FAAH2: variants seen among roughly 807,000 people sequenced by gnomAD.
The protein encoded by FAAH2 is fatty acid amide hydrolase 2, also known as fatty-acid amide hydrolase 2.
FAAH2 carries 60 observed loss-of-function variants against 36.9 expected under a neutral mutation model. That is an observed-to-expected ratio of 1.63 (90% confidence interval 1.32 to 2.02). The LOEUF (loss-of-function observed/expected upper bound fraction) is 2.02. Among genes scored for constraint, FAAH2 ranks in the 30% most tolerant of loss-of-function variants. FAAH2 has a pLI of 0.00. For missense variants in FAAH2, 689 were observed against 397.5 expected, an observed-to-expected ratio of 1.73 and a Z score of -6.23; for synonymous variants, 214 against 143.8, an observed-to-expected ratio of 1.49 and a Z score of -3.49.
chrX:57,175,100 G>A, the FAAH2 span, among the ~76,000 whole-genome samples: 6 of 111,594 alleles, frequency 5.4e-5, no homozygotes. Context: ...TTGTTCTAGA[G>A]TGCAGTTTAA....
intron 10 of FAAH2, among the ~76,000 whole-genome samples, chrX:57,451,483 T>A (rs2056782532): frequency 9.0e-6 from 1 of 111,692 alleles, no homozygotes; most frequent in South Asian, 3.7e-4. Flanking sequence ...GACAAACAAA[T>A]GTTAACAGAG....
chrX:57,479,273 G>T (rs1289882952), intron 10 of FAAH2, among the ~76,000 whole-genome samples: 1 of 111,666 alleles, frequency 9.0e-6, no homozygotes, highest in African/African-American at 3.3e-5. Context: ...GTTCACTCAT[G>T]ATTTGGCTCT....
chrX:57,342,818 C>T (rs960925000), intron 5 of FAAH2, among the ~76,000 whole-genome samples: 1 of 111,261 alleles, frequency 9.0e-6, no homozygotes, highest in African/African-American at 3.3e-5. Flanking sequence ...TTGTTTTCTT[C>T]TTTCTGTCCA....
At chrX:57,473,145 C>G (rs1358081675) in intron 10 of FAAH2, among the ~76,000 whole-genome samples, 1 of 111,045 alleles carries the variant, frequency 9.0e-6, no homozygotes, top group African/African-American at 3.3e-5. Context: ...AGAGCTCTCT[C>G]TCCTTTTCAT....
At chrX:57,379,245 ATCT>A (rs2054770970) in intron 6 of FAAH2, among the ~76,000 whole-genome samples, 1 of 110,869 alleles carries the variant, frequency 9.0e-6, no homozygotes, top group African/African-American at 3.3e-5. Context: ...CGAAACTCTG[ATCT>A]TCTCCTTTCC....
At chrX:57,215,349 G>C in the FAAH2 span, among the ~76,000 whole-genome samples, 1 of 111,555 alleles carries the variant, frequency 9.0e-6, no homozygotes. Context: ...AAATAGGAAT[G>C]CTTTTACACT....
intron 7 of FAAH2, 40 bp downstream of exon 7, chrX:57,381,069 C>CA: frequency 1.0e-6 from 1 of 984,797 alleles, no homozygotes; most frequent in South Asian, 2.2e-5. Context: ...TATTTTTAGT[C>CA]AAAGAGATAT....
chrX:57,192,067 T>C, the FAAH2 span, among the ~76,000 whole-genome samples: 1 of 112,159 alleles, frequency 8.9e-6, no homozygotes, highest in African/African-American at 3.2e-5. Context: ...TTGGGTAATA[T>C]GGACATTTTA....
chrX:57,441,483 CCT>C (rs1244918101), intron 8 of FAAH2, among the ~76,000 whole-genome samples: 1 of 109,466 alleles, frequency 9.1e-6, no homozygotes, highest in East Asian at 2.8e-4. Context: ...CTATTTGATT[CCT>C]CTCTCTTTTC....
chrX:57,182,412 C>T, the FAAH2 span, among the ~76,000 whole-genome samples: 1 of 111,802 alleles, frequency 8.9e-6, no homozygotes, highest in Non-Finnish European at 1.9e-5. Context: ...CATTAACAGA[C>T]ACTTTTCAAA....
chrX:57,154,522 C>G, the FAAH2 span, among the ~76,000 whole-genome samples: 1 of 110,167 alleles, frequency 9.1e-6, no homozygotes, highest in African/African-American at 3.3e-5. Context: ...ATCTGCCCAC[C>G]TTGGCCTCCC....
the FAAH2 span, among the ~76,000 whole-genome samples, chrX:57,274,334 A>C: frequency 1.8e-5 from 2 of 112,177 alleles, no homozygotes; most frequent in Non-Finnish European, 3.8e-5. Context: ...AGAGGAACAA[A>C]GAGGAGCTGC....
rs1238774900 is a variant in FAAH2, at chrX:57,395,501, G to T, written c.996+14472G>T. On this transcript the variant is annotated intron_variant, in intron 7 of 10. Transcript: ENST00000374900. ...CTTTAACCTTATCCTCATTCAGTAT[G>T]ATGTTGGCTATGGGTTTGTCATAGA... is the stretch of plus-strand genomic sequence containing the variant. The T allele has an allele frequency of 2.1e-5, 8 of 380,852 alleles. No homozygotes were observed. The East Asian group carries it at 4.1e-4, about 20-fold the overall frequency. The allele number at this position is 380,852 out of a possible 1,213,427, so 31.4% of individuals were successfully genotyped here.
At chrX:57,122,968 T>C in the FAAH2 span, among the ~76,000 whole-genome samples, 1 of 112,205 alleles carries the variant, frequency 8.9e-6, no homozygotes, top group African/African-American at 3.2e-5. Flanking sequence ...AGATATGTCA[T>C]AGTTTCAGTG....
intron 5 of FAAH2, among the ~76,000 whole-genome samples, chrX:57,350,534 C>A (rs1329130225): frequency 1.8e-5 from 2 of 110,549 alleles, no homozygotes; most frequent in Admixed American, 9.7e-5. Context: ...TGAACATAAA[C>A]ATATTAAAAT....
At chrX:57,391,700 A>T (rs991068618) in intron 7 of FAAH2, among the ~76,000 whole-genome samples, 1 of 111,092 alleles carries the variant, frequency 9.0e-6, no homozygotes, top group Non-Finnish European at 1.9e-5. Flanking sequence ...TTTTTTTACC[A>T]TTACCATACA....
intron 2 of FAAH2, among the ~76,000 whole-genome samples, chrX:57,295,321 A>G (rs2052104426): frequency 8.9e-6 from 1 of 112,367 alleles, no homozygotes; most frequent in South Asian, 3.7e-4. Flanking sequence ...GGTGTCAGGA[A>G]CAGCAGGCAA....
intron 5 of FAAH2, among the ~76,000 whole-genome samples, chrX:57,343,393 G>C (rs748888577): frequency 4.4e-4 from 49 of 111,273 alleles, no homozygotes; most frequent in African/African-American, 1.5e-3. Flanking sequence ...ATTTTTTATA[G>C]GTTTCTTGGC....
chrX:57,325,266 T>C (rs954261078), intron 3 of FAAH2, among the ~76,000 whole-genome samples: 1 of 111,730 alleles, frequency 9.0e-6, no homozygotes, highest in East Asian at 2.8e-4. Flanking sequence ...GATTTTTGCA[T>C]TGATGTTCAT....
Sources: gnomAD v4.1 joint callset for allele counts (sites outside exome capture counted in the v4.1 genomes callset) on GRCh38, gnomAD v4.1.1 for gene constraint, MANE v1.5 for transcripts, NCBI Gene and HGNC (gene_info 2026-07-23, HGNC 2026-07-21) for gene names.